SI: variants seen among roughly 807,000 people sequenced by gnomAD.
SI encodes sucrase-isomaltase.
A neutral mutation model predicts 253.3 loss-of-function variants in SI; 235 were observed. The ratio of observed to expected loss-of-function variants is 0.93; its 90% CI spans 0.83 to 1.03. SI has a LOEUF of 1.03. Ranked by LOEUF, SI falls within the 50% of genes least tolerant of loss-of-function variation. The pLI, the probability that SI is intolerant of heterozygous loss-of-function variation, is 0.00. For synonymous variants in SI, 819 were observed against 712.0 expected (o/e 1.15, Z -2.39); for missense variants, 2,442 against 2,211.1 (o/e 1.10, Z -2.09).
intron 25 of SI, 87 bp from the exon 26 acceptor site, chr3:165,023,863 A>G: frequency 2.3e-6 from 2 of 882,710 alleles, no homozygotes; most frequent in South Asian, 1.4e-5. Context: ...TTAGTCACAC[A>G]TTGTATGATT....
the SI span, among the ~76,000 whole-genome samples, chr3:165,090,159 AAGAGAG>A: frequency 1.2e-4 from 17 of 147,754 alleles, no homozygotes; most frequent in African/African-American, 4.2e-4. Context: ...TAAAAAAAAA[AAGAGAG>A]AGAGAGAGAG....
chr3:165,084,039 C>G, the SI span, among the ~76,000 whole-genome samples: 1 of 151,922 alleles, frequency 6.6e-6, no homozygotes, highest in African/African-American at 2.4e-5. Context: ...GCTGAAATTC[C>G]TACCCTAAAG....
chr3:165,058,146 A>T (rs992851944), intron 12 of SI, among the ~76,000 whole-genome samples: 1 of 152,040 alleles, frequency 6.6e-6, no homozygotes, highest in Admixed American at 6.6e-5. Flanking sequence ...TTTGGAAGCT[A>T]TATGAAAACA....
chr3:164,981,547 T>A (rs1717192554), intron 47 of SI, among the ~76,000 whole-genome samples: 1 of 152,162 alleles, frequency 6.6e-6, no homozygotes, highest in Non-Finnish European at 1.5e-5. Flanking sequence ...CACACAAATT[T>A]ACACAGTTTT....
At chr3:165,060,868 AAT>A (rs1046617257) in intron 9 of SI, among the ~76,000 whole-genome samples, 22 of 145,404 alleles carry the variant, frequency 1.5e-4, no homozygotes, top group South Asian at 8.5e-4. Context: ...ATTAAAAAAA[AAT>A]ATATATATAT....
chr3:164,989,884 T>G (rs1489788874), intron 44 of SI, among the ~76,000 whole-genome samples: 1 of 152,144 alleles, frequency 6.6e-6, no homozygotes, highest in African/African-American at 2.4e-5. Flanking sequence ...AATACAATAT[T>G]ACAGAGATAG....
intron 44 of SI, among the ~76,000 whole-genome samples, chr3:164,987,748 T>A (rs1717513698): frequency 6.6e-6 from 1 of 152,152 alleles, no homozygotes; most frequent in Admixed American, 6.5e-5. Context: ...GTGATGCATG[T>A]CTTTTGATCT....
At chr3:165,015,810 C>T (rs961488805) in intron 32 of SI, 142 bp downstream of exon 32, 1 of 768,384 alleles carries the variant, frequency 1.3e-6, no homozygotes, top group African/African-American at 1.7e-5. Flanking sequence ...AAATGAAGTG[C>T]TAAAGGAAGA....
intron 38 of SI, among the ~76,000 whole-genome samples, chr3:164,997,201 ATCCTTTAAGGAGTAATCAAT>A (rs937135389): frequency 6.6e-6 from 1 of 151,730 alleles, no homozygotes; most frequent in Non-Finnish European, 1.5e-5. Context: ...TATTAAACAA[ATCCTTTAAGGAGTAATCAAT>A]TCTATAAAAT....
intron 8 of SI, 94 bp from the exon 9 acceptor site, chr3:165,062,577 C>A: frequency 4.2e-5 from 28 of 664,644 alleles, no homozygotes; most frequent in East Asian, 1.4e-4. Context: ...GTATTAACTA[C>A]ATTATTTTAC....
At chr3:165,068,397 C>T (rs534267753) in intron 5 of SI, among the ~76,000 whole-genome samples, 1 of 152,104 alleles carries the variant, frequency 6.6e-6, no homozygotes, top group Non-Finnish European at 1.5e-5. Context: ...AAATATTTCT[C>T]AAGAGAGAAA....
intron 27 of SI, 100 bp from the exon 28 acceptor site, chr3:165,019,870 T>A: frequency 9.1e-7 from 1 of 1,094,866 alleles, no homozygotes. Context: ...TAAAAATCAA[T>A]ATTATTTTCC....
At chr3:165,029,632 TTATA>T (rs539892327) in intron 25 of SI, among the ~76,000 whole-genome samples, 1 of 91,310 alleles carries the variant, frequency 1.1e-5, no homozygotes, top group Non-Finnish European at 2.6e-5. Flanking sequence ...AACATTAGCC[TTATA>T]TATATATATA....
intron 21 of SI, 96 bp from the exon 22 acceptor site, chr3:165,036,573 G>C (rs1712543708): frequency 2.6e-6 from 2 of 777,088 alleles, no homozygotes; most frequent in Non-Finnish European, 4.4e-6. Flanking sequence ...CTGTTTTATG[G>C]GCCCTGAATT....
intron 25 of SI, among the ~76,000 whole-genome samples, chr3:165,026,353 G>T (rs1211295054): frequency 6.6e-6 from 1 of 151,182 alleles, no homozygotes; most frequent in African/African-American, 2.4e-5. Context: ...ATAGACCTAA[G>T]AATTGAGAGA....
chr3:165,059,642 CTAAA>C (rs2108249524), intron 10 of SI, among the ~76,000 whole-genome samples: 1 of 151,936 alleles, frequency 6.6e-6, no homozygotes, highest in East Asian at 1.9e-4. Flanking sequence ...ATTTTAAAAA[CTAAA>C]TATGATTTTG....
At chr3:165,035,489 G>A (rs1250454081) in intron 22 of SI, among the ~76,000 whole-genome samples, 2 of 151,494 alleles carry the variant, frequency 1.3e-5, no homozygotes, top group Admixed American at 6.6e-5. Context: ...GAGAATTATA[G>A]AATCCTGTGG....
At chr3:164,987,278 C>T in intron 44 of SI, 52 bp from the exon 45 acceptor site, 1 of 1,432,974 alleles carries the variant, frequency 7.0e-7, no homozygotes, top group Non-Finnish European at 9.8e-7. Flanking sequence ...TAGCATATGT[C>T]TAGTTATGAT....
Position 165,015,137 on chromosome 3 carries a change from T to A in SI, c.3985A>T (p.Ile1329Phe). Residue 1329 changes from isoleucine (I) to phenylalanine (F), a missense_variant, in exon 33 of 48, where the codon ATT becomes TTT. Physicochemically the swap from Ile to Phe is conservative, Grantham distance 21 (BLOSUM62 0). Coordinates refer to ENST00000264382, the MANE Select transcript of SI (RefSeq NM_001041.4). ...CGATTTAGTACCTTTGCCCAACAAA[T>A]GTCATTGGTGTTTGGCCATTTGACA... is the stretch of plus-strand genomic sequence containing the variant. ...VFVKWPNTND[I>F]CWAKVWPDLP... 6.2e-7 allele frequency: 1 copy of A among 1,611,038 alleles called. No homozygotes were observed. The highest frequency in any genetic ancestry group is 1.1e-5 in the South Asian group (1 of 91,014).
Sources: allele counts gnomAD v4.1 joint callset (sites outside exome capture counted in the v4.1 genomes callset), GRCh38; gene constraint gnomAD v4.1.1; transcripts MANE v1.5; gene names NCBI Gene and HGNC (gene_info 2026-07-23, HGNC 2026-07-21).